The following WASF2 variants were observed in gnomAD, a reference collection of about 807,000 sequenced individuals.
WASF2 encodes actin-binding protein WASF2.
WASF2 carries 14 observed loss-of-function variants against 45.0 expected under a neutral mutation model. That is an observed-to-expected ratio of 0.31 (90% CI 0.21 to 0.49). The LOEUF (loss-of-function observed/expected upper bound fraction) is 0.49. Ranked by LOEUF, WASF2 falls within the 20% of genes least tolerant of loss-of-function variation. WASF2 has a pLI of 0.99. For synonymous variants in WASF2, 200 were observed against 236.3 expected (o/e 0.85, Z 1.41); for missense variants, 439 against 636.1 (o/e 0.69, Z 3.33).
intron 1 of WASF2, among the ~76,000 whole-genome samples, chr1:27,431,160 T>G (rs1434357194): frequency 1.3e-5 from 2 of 152,218 alleles, no homozygotes; most frequent in East Asian, 1.9e-4. Flanking sequence ...AGTCACTGTG[T>G]GGCAGCTGTG....
At chr1:27,465,203 A>C (rs2017598406) in intron 1 of WASF2, among the ~76,000 whole-genome samples, 1 of 152,216 alleles carries the variant, frequency 6.6e-6, no homozygotes, top group African/African-American at 2.4e-5. Flanking sequence ...TCCACACATG[A>C]AAGTTGAGAT....
chr1:27,487,912 G>A (rs986501563), intron 1 of WASF2, among the ~76,000 whole-genome samples: 1 of 150,266 alleles, frequency 6.7e-6, no homozygotes, highest in African/African-American at 2.5e-5. Flanking sequence ...TATTCTCAGA[G>A]GGTTTAAGAT....
At chr1:27,484,737 G>T (rs1007428606) in intron 1 of WASF2, among the ~76,000 whole-genome samples, 2 of 147,838 alleles carry the variant, frequency 1.4e-5, no homozygotes, top group Admixed American at 1.3e-4. Context: ...GCGTGAACTC[G>T]GGAGGCGGAG....
In WASF2 at chr1:27,408,150, G is replaced by A. The variant is rs763416826; in HGVS notation, c.*39C>T. On this transcript the variant is annotated 3_prime_UTR_variant, in exon 9 of 9. Coordinates refer to ENST00000618852, the MANE Select transcript of WASF2 (RefSeq NM_006990.5). ...GGTTGGCATCAAAGAAGGCAGGTAG[G>A]AAGGAAAGAAAAAGAAGGTGGGCAG... is the stretch of plus-strand genomic sequence containing the variant. The A allele has an allele frequency of 5.0e-6, 8 of 1,597,304 alleles. No individual in the cohort carries two copies. Among genetic ancestry groups the A allele is most frequent in the South Asian group, 4.5e-5 (4 of 89,322 alleles).
At chr1:27,443,720 ATCTC>A (rs1205450384) in intron 1 of WASF2, among the ~76,000 whole-genome samples, 12 of 152,276 alleles carry the variant, frequency 7.9e-5, no homozygotes, top group Middle Eastern at 3.4e-3. Context: ...AGGGTAGTTA[ATCTC>A]TCTGAGCCTC....
chr1:27,428,725 C>A (rs938129479), intron 2 of WASF2, 36 bp downstream of exon 2: 19 of 1,613,830 alleles, frequency 1.2e-5, no homozygotes, highest in Non-Finnish European at 1.6e-5. Context: ...ACCAACGACC[C>A]CTGAGGGCAA....
At chr1:27,428,987 A>T in intron 1 of WASF2, 54 bp from the exon 2 acceptor site, 60 of 1,141,552 alleles carry the variant, frequency 5.3e-5, no homozygotes, top group Non-Finnish European at 6.4e-5. Context: ...CAGGCACACT[A>T]GGGCTGTGTG....
intron 8 of WASF2, among the ~76,000 whole-genome samples, chr1:27,409,249 T>C (rs1266434080): frequency 2.0e-5 from 3 of 150,564 alleles, no homozygotes; most frequent in South Asian, 2.1e-4. Flanking sequence ...AAAGTAAAAC[T>C]CCATCTCTAC....
intron 1 of WASF2, among the ~76,000 whole-genome samples, chr1:27,458,685 C>T (rs1004017396): frequency 2.7e-5 from 4 of 150,516 alleles, no homozygotes; most frequent in East Asian, 2.0e-4. Flanking sequence ...CCCAGCTGCA[C>T]GGGGTGCTGA....
chr1:27,485,093 T>G (rs934014771), intron 1 of WASF2, among the ~76,000 whole-genome samples: 3 of 151,926 alleles, frequency 2.0e-5, no homozygotes, highest in Non-Finnish European at 4.4e-5. Flanking sequence ...GAGGTAGCAG[T>G]GAGCCAAGAT....
At chr1:27,445,772 T>C (rs1379560191) in intron 1 of WASF2, among the ~76,000 whole-genome samples, 1 of 152,080 alleles carries the variant, frequency 6.6e-6, no homozygotes, top group Non-Finnish European at 1.5e-5. Flanking sequence ...TACTTTTATC[T>C]ACAGGGTCCC....
rs1477078174 is a variant in WASF2 at position 27,410,184 on chromosome 1, C to T, written c.847G>A (p.Gly283Arg). 3 of 1,613,984 alleles carry T rather than the reference C, an allele frequency of 1.9e-6. No individual in the cohort carries two copies. The highest frequency in any genetic ancestry group is 2.5e-6 in the Non-Finnish European group (3 of 1,179,998). Residue 283 changes from glycine (G) to arginine (R), a missense_variant, in exon 8 of 9, where the codon GGA (glycine) becomes AGA (arginine). Physicochemically the swap from Gly to Arg is moderately radical, Grantham distance 125. This residue lies in a region of WASF2 where 286 missense variants were observed against 373.5 expected (regional missense o/e 0.77). Coordinates refer to ENST00000618852, the MANE Select transcript of WASF2 (RefSeq NM_006990.5). This position sits in a 1 kb window ranked among gnomAD's most constrained non-coding sequence, Gnocchi z 4.2. ...CTTTTGGGTCCAGCCAAACCAGATC[C>T]TCTTTGGTTGTCCACTGGGTAACTA... Reference protein sequence around the residue: ...EFSYPVDNQRGSGLAGPKRSS... With the variant: ...EFSYPVDNQRRSGLAGPKRSS...
intron 1 of WASF2, among the ~76,000 whole-genome samples, chr1:27,442,162 C>T (rs1284811719): frequency 6.6e-6 from 1 of 151,518 alleles, no homozygotes; most frequent in Non-Finnish European, 1.5e-5. Context: ...GCCTGGGCAA[C>T]ATAGAAAGAC....
intron 1 of WASF2, among the ~76,000 whole-genome samples, chr1:27,480,705 C>T (rs993482775): frequency 1.3e-5 from 2 of 152,008 alleles, no homozygotes; most frequent in African/African-American, 4.8e-5. Flanking sequence ...ACACAAGCCA[C>T]ACGACATATT....
chr1:27,411,858 G>A (rs1190410603), intron 7 of WASF2, among the ~76,000 whole-genome samples: 7 of 152,182 alleles, frequency 4.6e-5, no homozygotes, highest in Middle Eastern at 3.4e-3. Context: ...GTGAGACTCC[G>A]TCTCAAAAAT....
At chr1:27,489,853 C>G (rs1478714356) in intron 1 of WASF2, 133 bp downstream of exon 1, 1 of 152,400 alleles carries the variant, frequency 6.6e-6, no homozygotes, top group Non-Finnish European at 1.5e-5. Context: ...GCTGACCGCT[C>G]GCCCGGCCTC....
chr1:27,448,640 C>A (rs144484997), intron 1 of WASF2, among the ~76,000 whole-genome samples: 3,168 of 152,006 alleles, frequency 0.021, 104 homozygotes, highest in African/African-American at 0.071. Flanking sequence ...CTCTTGAAGT[C>A]AGGAGTTCGA....
At chr1:27,436,876 C>A (rs144764214) in intron 1 of WASF2, among the ~76,000 whole-genome samples, 4 of 152,160 alleles carry the variant, frequency 2.6e-5, no homozygotes, top group African/African-American at 9.7e-5. Flanking sequence ...AGAAAAAGGG[C>A]TTACTTGTGA....
At chr1:27,441,613 G>A (rs1242297553) in intron 1 of WASF2, among the ~76,000 whole-genome samples, 15 of 152,142 alleles carry the variant, frequency 9.9e-5, no homozygotes, top group Non-Finnish European at 2.9e-5. Context: ...AATTAGCCGG[G>A]CGTGGTGGCG....
Sources: gnomAD v4.1 joint callset for allele counts (sites outside exome capture counted in the v4.1 genomes callset) on GRCh38, gnomAD v4.1.1 for gene constraint, gnomAD v4.1.1 regional missense constraint, Gnocchi (gnomAD v3.1) non-coding constraint, MANE v1.5 for transcripts, NCBI Gene and HGNC (gene_info 2026-07-23, HGNC 2026-07-21) for gene names.